Variants in PRMT8 observed in about 807,000 individuals in gnomAD.
The protein encoded by PRMT8 is protein arginine methyltransferase 8.
PRMT8 carries 7 observed loss-of-function variants against 47.1 expected under a neutral mutation model. The ratio of observed to expected loss-of-function variants is 0.15; its 90% CI spans 0.08 to 0.28. The LOEUF is 0.28. Among genes scored for constraint, PRMT8 ranks in the 10% least tolerant of loss-of-function variants. The pLI is 1.00. For synonymous variants in PRMT8, 188 were observed against 186.5 expected, an observed-to-expected ratio of 1.01 and a Z score of -0.07; for missense variants, 237 against 505.4, an observed-to-expected ratio of 0.47 and a Z score of 5.09.
intron 1 of PRMT8, among the ~76,000 whole-genome samples, chr12:3,447,642 C>G (rs989172803): frequency 6.6e-6 from 1 of 152,214 alleles, no homozygotes; most frequent in Non-Finnish European, 1.5e-5. Flanking sequence ...GCATCCACCC[C>G]GCTTCTCCCT....
intron 1 of PRMT8, among the ~76,000 whole-genome samples, chr12:3,530,968 A>G (rs773335384): frequency 2.8e-4 from 42 of 152,224 alleles, no homozygotes; most frequent in Non-Finnish European, 5.4e-4. Flanking sequence ...GCCTTTGCAC[A>G]GTGACATGAA....
chr12:3,448,882 A>G (rs146454953), intron 1 of PRMT8, among the ~76,000 whole-genome samples: 2 of 151,556 alleles, frequency 1.3e-5, no homozygotes, highest in Non-Finnish European at 2.9e-5. Context: ...ATCCTGATGC[A>G]CTCCTTCTCC....
Position 3,569,071 on chromosome 12 carries a change from G to T in PRMT8, c.624+223G>T, listed in dbSNP as rs571977526. ...AGAGTGGACTTCCGTGGGTCTCACC[G>T]CAGCCTCTTTTGCAATAACAGACAT... is the stretch of plus-strand genomic sequence containing the variant. On this transcript the variant is annotated intron_variant, in intron 5 of 9. Coordinates refer to ENST00000382622, the MANE Select transcript of PRMT8 (RefSeq NM_019854.5). The surrounding 1 kb of genome is among the most constrained non-coding windows in gnomAD (Gnocchi z 8.2). Among the ~76,000 whole-genome samples the T allele has an allele frequency of 6.6e-6, 1 of 152,066 alleles. No individual in the cohort carries two copies. Among genetic ancestry groups the T allele is most frequent in the Non-Finnish European group, 1.5e-5 (1 of 67,952 alleles).
chr12:3,470,384 G>T (rs1865147194), intron 1 of PRMT8, among the ~76,000 whole-genome samples: 1 of 152,200 alleles, frequency 6.6e-6, no homozygotes, highest in Non-Finnish European at 1.5e-5. Flanking sequence ...GGACAGTGCT[G>T]AGTCCAGGTG....
At chr12:3,406,004 A>C (rs1864369504) in intron 1 of PRMT8, among the ~76,000 whole-genome samples, 1 of 152,186 alleles carries the variant, frequency 6.6e-6, no homozygotes, top group East Asian at 1.9e-4. Flanking sequence ...TGAGGGCTCC[A>C]CCCCTGCAGC....
rs556329880 is a variant in PRMT8 at position 3,522,875 on chromosome 12, C to A, written c.76-17731C>A. On this transcript the variant is annotated intron_variant, in intron 1 of 9. Transcript: ENST00000382622. ...GGAAGTGTATAAATCACCTAAGAAACCCTTAAAGCTAACTCTAAGGAAAAC... is the reference window on the plus strand; with the variant it reads ...GGAAGTGTATAAATCACCTAAGAAAACCTTAAAGCTAACTCTAAGGAAAAC... Among the ~76,000 whole-genome samples the A allele has an allele frequency of 5.1e-4, 78 of 151,900 alleles. 1 individual carries two copies. The highest frequency in any genetic ancestry group is 6.8e-3 in the Middle Eastern group (2 of 294).
intron 1 of PRMT8, among the ~76,000 whole-genome samples, chr12:3,510,967 G>A (rs1001936864): frequency 7.2e-5 from 11 of 152,182 alleles, no homozygotes; most frequent in Admixed American, 5.9e-4. Flanking sequence ...GCCAGAACCC[G>A]TGATCCTGAC....
At chr12:3,424,436 G>A (rs1169978159) in intron 1 of PRMT8, among the ~76,000 whole-genome samples, 1 of 152,164 alleles carries the variant, frequency 6.6e-6, no homozygotes, top group Admixed American at 6.5e-5. Context: ...CGTGACAAAT[G>A]TACTTATTTT....
chr12:3,469,259 C>G lies in PRMT8; in HGVS notation c.49-71347C>G, dbSNP rs906938278. On this transcript the variant is annotated intron_variant, in intron 1 of 9. Coordinates refer to the PRMT8 transcript ENST00000452611. ...ACACCCCCATCCTGATTTAGACCTT[C>G]ACGTGCTGCCTCACGACCCCCACCA... 9.2e-6 allele frequency: 4 copies of G among 434,018 alleles called. No individual in the cohort carries two copies. The Admixed American group carries it at 9.3e-5, about 10-fold the overall frequency. The allele number at this position is 434,018 out of a possible 1,614,324, so 26.9% of individuals were successfully genotyped here. A position where few individuals can be genotyped will look rare whatever the true frequency, so the allele number is the denominator to read the frequency against.
At chr12:3,400,587 A>G (rs1174241357) in intron 1 of PRMT8, among the ~76,000 whole-genome samples, 1 of 152,168 alleles carries the variant, frequency 6.6e-6, no homozygotes, top group African/African-American at 2.4e-5. Flanking sequence ...GGTACAAAGA[A>G]GAGCTAGTAC....
At chr12:3,506,977 G>A (rs969572292) in intron 1 of PRMT8, among the ~76,000 whole-genome samples, 9 of 152,188 alleles carry the variant, frequency 5.9e-5, no homozygotes, top group African/African-American at 2.2e-4. Flanking sequence ...TATAAGCTGT[G>A]TGAGTGGTAC....
intron 7 of PRMT8, among the ~76,000 whole-genome samples, chr12:3,582,330 G>C (rs570403136): frequency 6.6e-6 from 1 of 152,150 alleles, no homozygotes; most frequent in African/African-American, 2.4e-5. Context: ...AGTTCTTCAT[G>C]TTCCACGTTC....
At chr12:3,454,119 T>G (rs773767246) in intron 1 of PRMT8, among the ~76,000 whole-genome samples, 1 of 152,110 alleles carries the variant, frequency 6.6e-6, no homozygotes, top group Non-Finnish European at 1.5e-5. Flanking sequence ...CCATCTGACT[T>G]GGCTCTGTCT....
chr12:3,519,438 A>G (rs1208963944), intron 1 of PRMT8, among the ~76,000 whole-genome samples: 2 of 152,158 alleles, frequency 1.3e-5, no homozygotes, highest in Admixed American at 1.3e-4. Flanking sequence ...GAAAGGATGC[A>G]GTGTGGCCAC....
intron 1 of PRMT8, among the ~76,000 whole-genome samples, chr12:3,539,490 A>C (rs145789468): frequency 6.6e-6 from 1 of 152,156 alleles, no homozygotes; most frequent in Admixed American, 6.5e-5. Context: ...AGGACTGACT[A>C]CTAGATAATA....
intron 1 of PRMT8, among the ~76,000 whole-genome samples, chr12:3,398,505 AT>A (rs1446104679): frequency 6.6e-6 from 1 of 152,180 alleles, no homozygotes; most frequent in African/African-American, 2.4e-5. Context: ...GCCTTTGGGG[AT>A]TCCCCTTTGA....
At chr12:3,484,759 G>A (rs1177002518) in intron 1 of PRMT8, among the ~76,000 whole-genome samples, 1 of 152,196 alleles carries the variant, frequency 6.6e-6, no homozygotes, top group East Asian at 1.9e-4. Flanking sequence ...ACACTTTGAA[G>A]CACGCTTTGA....
intron 2 of PRMT8, among the ~76,000 whole-genome samples, chr12:3,543,009 T>C (rs1172962320): frequency 6.6e-6 from 1 of 152,248 alleles, no homozygotes; most frequent in East Asian, 1.9e-4. Flanking sequence ...CAATTGTGTG[T>C]ACTTATGGAA....
intron 1 of PRMT8, among the ~76,000 whole-genome samples, chr12:3,403,986 A>T (rs1465380942): frequency 6.6e-6 from 1 of 152,134 alleles, no homozygotes; most frequent in Non-Finnish European, 1.5e-5. Flanking sequence ...AAACTTAAAA[A>T]TATGAAATAT....
Sources: allele counts gnomAD v4.1 joint callset (sites outside exome capture counted in the v4.1 genomes callset), GRCh38; gene constraint gnomAD v4.1.1; non-coding constraint Gnocchi (gnomAD v3.1); transcripts MANE v1.5; gene names NCBI Gene and HGNC (gene_info 2026-07-23, HGNC 2026-07-21).